The following SCFD2 variants were observed in gnomAD, a reference collection of about 807,000 sequenced individuals.
SCFD2 encodes the protein sec1 family domain containing 2.
A neutral mutation model predicts 58.9 loss-of-function variants in SCFD2; 54 were observed. The observed-to-expected ratio is 0.92, with a 90% CI of 0.74 to 1.15. The LOEUF (loss-of-function observed/expected upper bound fraction) is 1.15, where lower values mean the gene tolerates loss of function less well. Among genes scored for constraint, SCFD2 ranks in the 50% most tolerant of loss-of-function variants. SCFD2 has a pLI of 0.00. For missense variants in SCFD2, 805 were observed against 836.6 expected, an observed-to-expected ratio of 0.96 and a Z score of 0.47; for synonymous variants, 321 against 335.9, an observed-to-expected ratio of 0.96 and a Z score of 0.49.
At chr4:52,911,328 C>T (rs999760088) in intron 6 of SCFD2, among the ~76,000 whole-genome samples, 1 of 152,174 alleles carries the variant, frequency 6.6e-6, no homozygotes, top group African/African-American at 2.4e-5. Context: ...CTCACTCTTT[C>T]CCTTGCTCCA....
At chr4:53,197,747 C>CAAAAAAAAAAAA (rs10717880) in intron 4 of SCFD2, among the ~76,000 whole-genome samples, 3 of 96,614 alleles carry the variant, frequency 3.1e-5, no homozygotes, top group African/African-American at 3.8e-5. Flanking sequence ...TAGAAGATGG[C>CAAAAAAAAAAAA]AAAAAAAAAA....
intron 3 of SCFD2, among the ~76,000 whole-genome samples, chr4:53,283,738 T>C (rs1731575687): frequency 6.6e-6 from 1 of 151,950 alleles, no homozygotes; most frequent in African/African-American, 2.4e-5. Context: ...CTGGCTAATT[T>C]TTGTATTTTT....
chr4:52,986,980 C>T (rs973040084), intron 5 of SCFD2, among the ~76,000 whole-genome samples: 1 of 152,256 alleles, frequency 6.6e-6, no homozygotes, highest in African/African-American at 2.4e-5. Context: ...GAGCTTGATA[C>T]ATAATGTTCT....
chr4:53,332,513 T>C (rs543692249), intron 2 of SCFD2, among the ~76,000 whole-genome samples: 7 of 152,338 alleles, frequency 4.6e-5, no homozygotes, highest in African/African-American at 1.4e-4. Context: ...ATTATCTCAA[T>C]AGATGCAGAA....
At chr4:53,311,455 C>A (rs190404278) in intron 3 of SCFD2, among the ~76,000 whole-genome samples, 1 of 151,850 alleles carries the variant, frequency 6.6e-6, no homozygotes, top group South Asian at 2.1e-4. Context: ...AAATTTGTGG[C>A]TCTGCTTATT....
intron 5 of SCFD2, among the ~76,000 whole-genome samples, chr4:53,033,259 T>A (rs1722666011): frequency 6.6e-6 from 1 of 152,134 alleles, no homozygotes. Context: ...AAAGATGTTC[T>A]TTGAAACCAC....
intron 5 of SCFD2, among the ~76,000 whole-genome samples, chr4:53,121,375 AAC>A (rs1260508893): frequency 1.3e-5 from 2 of 152,204 alleles, no homozygotes; most frequent in African/African-American, 2.4e-5. Context: ...TTCAAAAAGA[AAC>A]ACACAAACAA....
intron 4 of SCFD2, among the ~76,000 whole-genome samples, chr4:53,150,260 T>G (rs1726465580): frequency 6.6e-6 from 1 of 152,140 alleles, no homozygotes; most frequent in South Asian, 2.1e-4. Context: ...AAAGACTTCG[T>G]GGTCAGGAAG....
intron 4 of SCFD2, among the ~76,000 whole-genome samples, chr4:53,197,021 C>T (rs1453124660): frequency 1.3e-5 from 2 of 152,016 alleles, no homozygotes; most frequent in Non-Finnish European, 2.9e-5. Flanking sequence ...ACCCTGTGTG[C>T]TTTTTTCAAA....
chr4:52,926,863 GTCTGACAACGCCTTT>G (rs991102808), intron 5 of SCFD2, among the ~76,000 whole-genome samples: 3 of 152,200 alleles, frequency 2.0e-5, no homozygotes, highest in African/African-American at 7.2e-5. Context: ...CCATCCAGCA[GTCTGACAACGCCTTT>G]TCTCTCTTTT....
intron 4 of SCFD2, among the ~76,000 whole-genome samples, chr4:53,222,059 T>A (rs1729062631): frequency 6.6e-6 from 1 of 152,246 alleles, no homozygotes; most frequent in Non-Finnish European, 1.5e-5. Flanking sequence ...GGCTTATGAC[T>A]AAAACAGCTT....
intron 5 of SCFD2, among the ~76,000 whole-genome samples, chr4:53,123,667 C>T (rs144048185): frequency 6.6e-6 from 1 of 152,172 alleles, no homozygotes; most frequent in East Asian, 1.9e-4. Flanking sequence ...AACTCTCACC[C>T]CACTCATTGA....
intron 2 of SCFD2, among the ~76,000 whole-genome samples, chr4:53,330,391 T>A (rs1054712335): frequency 6.6e-6 from 1 of 152,080 alleles, no homozygotes; most frequent in Non-Finnish European, 1.5e-5. Flanking sequence ...ACTAACAGCG[T>A]ATCTCTCAGC....
chr4:53,277,088 G>T (rs1172659906), intron 3 of SCFD2, among the ~76,000 whole-genome samples: 1 of 152,042 alleles, frequency 6.6e-6, no homozygotes, highest in African/African-American at 2.4e-5. Flanking sequence ...ATATATTTCT[G>T]TAACAGGCAC....
intron 5 of SCFD2, among the ~76,000 whole-genome samples, chr4:53,033,547 A>G (rs1722675962): frequency 6.6e-6 from 1 of 152,104 alleles, no homozygotes; most frequent in Non-Finnish European, 1.5e-5. Context: ...TTTTCAAAAG[A>G]ACAACAAAAT....
intron 5 of SCFD2, among the ~76,000 whole-genome samples, chr4:52,964,434 T>C (rs1047257687): frequency 1.2e-4 from 18 of 152,096 alleles, no homozygotes; most frequent in African/African-American, 4.3e-4. Flanking sequence ...AAAAGGATAT[T>C]TTACTATACC....
At chr4:53,168,133 C>A (rs1332173987) in intron 4 of SCFD2, among the ~76,000 whole-genome samples, 1 of 152,118 alleles carries the variant, frequency 6.6e-6, no homozygotes, top group Non-Finnish European at 1.5e-5. Flanking sequence ...AGATAACAAG[C>A]CAACAAAAAG....
At chr4:53,294,865 A>G (rs1481945962) in intron 3 of SCFD2, among the ~76,000 whole-genome samples, 1 of 152,216 alleles carries the variant, frequency 6.6e-6, no homozygotes, top group East Asian at 1.9e-4. Context: ...ATGGCTAGCC[A>G]GTTTTCCCAA....
intron 2 of SCFD2, among the ~76,000 whole-genome samples, chr4:53,320,069 T>G (rs1483843337): frequency 6.6e-6 from 1 of 152,246 alleles, no homozygotes; most frequent in Non-Finnish European, 1.5e-5. Context: ...CATGACTATA[T>G]TATCTCATTT....
Sources: allele counts gnomAD v4.1 joint callset (sites outside exome capture counted in the v4.1 genomes callset), GRCh38; gene constraint gnomAD v4.1.1; transcripts MANE v1.5; gene names NCBI Gene and HGNC (gene_info 2026-07-23, HGNC 2026-07-21).